PCNX1: variants seen among roughly 807,000 people sequenced by gnomAD.
PCNX1 encodes the protein pecanex-like protein 1.
A neutral mutation model predicts 242.2 loss-of-function variants in PCNX1; 78 were observed. That is an observed-to-expected ratio of 0.32 (90% CI 0.27 to 0.39). PCNX1 has a LOEUF of 0.39. Among genes scored for constraint, PCNX1 ranks in the 10% least tolerant of loss-of-function variants. The probability of loss-of-function intolerance (pLI) is 1.00; values close to 1 mark genes in which losing one functional copy is unlikely to be tolerated. For missense variants in PCNX1, 2,581 were observed against 2,856.5 expected (o/e 0.90, Z 2.20); for synonymous variants, 1,024 against 1,032.9 (o/e 0.99, Z 0.17).
chr14:71,010,784 TG>T (rs994253234), intron 9 of PCNX1, among the ~76,000 whole-genome samples: 2 of 152,150 alleles, frequency 1.3e-5, no homozygotes, highest in African/African-American at 4.8e-5. Flanking sequence ...ATCTGTGGGC[TG>T]TTTACTTATT....
chr14:70,936,606 C>CTTTATA (rs1235891556), intron 1 of PCNX1, among the ~76,000 whole-genome samples: 2 of 152,176 alleles, frequency 1.3e-5, no homozygotes, highest in Non-Finnish European at 2.9e-5. Context: ...TTGCATGTGT[C>CTTTATA]TTTATAGCAG....
intron 1 of PCNX1, 22 bp from the exon 2 acceptor site, chr14:70,946,893 C>T (rs1426844176): frequency 6.9e-7 from 1 of 1,441,992 alleles, no homozygotes; most frequent in Non-Finnish European, 9.7e-7. Flanking sequence ...AAATGTATTT[C>T]CTTATTTTCT....
Position 70,969,027 on chromosome 14 carries a change from C to G in PCNX1, c.521C>G (p.Thr174Arg). 2 of 1,594,888 alleles carry G rather than the reference C, an allele frequency of 1.3e-6. No individual in the cohort carries two copies. The highest frequency in any genetic ancestry group is 4.5e-5 in the East Asian group (2 of 44,680). Reference sequence around the variant, plus strand: ...GTTTCTCTTAACTTTGTAGGAGATACAGACACTGCTAAGACTTCTGATGAT... The same window carrying G: ...GTTTCTCTTAACTTTGTAGGAGATAGAGACACTGCTAAGACTTCTGATGAT... Reference protein sequence around the residue: ...LGTAATIKGDTDTAKTSDDIS... With the variant: ...LGTAATIKGDRDTAKTSDDIS... The change falls in exon 5 of 36, where the codon ACA (threonine) becomes AGA (arginine). Residue 174 changes from threonine (T) to arginine (R), a missense_variant. Thr to Arg is a moderately conservative substitution (Grantham distance 71). Around this residue, in one of 9 missense-constraint regions of PCNX1, gnomAD observed 1,204 missense variants for 1,216.7 expected, o/e 0.99. Coordinates refer to ENST00000304743, the MANE Select transcript of PCNX1 (RefSeq NM_014982.3).
intron 19 of PCNX1, among the ~76,000 whole-genome samples, chr14:71,042,570 G>A (rs1253068408): frequency 1.3e-5 from 2 of 151,558 alleles, no homozygotes; most frequent in Admixed American, 6.6e-5. Flanking sequence ...TACAGGTGAA[G>A]TTAGTTTCCT....
At chr14:70,996,722 A>G (rs1316385847) in intron 8 of PCNX1, among the ~76,000 whole-genome samples, 1 of 152,158 alleles carries the variant, frequency 6.6e-6, no homozygotes, top group East Asian at 1.9e-4. Flanking sequence ...GAAATAATTC[A>G]CTTGAAAGCA....
intron 18 of PCNX1, 120 bp from the exon 19 acceptor site, chr14:71,035,945 A>G (rs1421584276): frequency 3.2e-6 from 2 of 625,424 alleles, no homozygotes; most frequent in East Asian, 5.7e-5. Context: ...TTTTTTCTTT[A>G]ATACTGACTG....
Position 70,978,582 on chromosome 14 carries a change from T to A in PCNX1, c.2245T>A (p.Ser749Thr), listed in dbSNP as rs1199017261. Residue 749 changes from serine (S) to threonine (T), a missense_variant, in exon 6 of 36, where the codon TCT (serine) becomes ACT (threonine). By Grantham distance (58) the Ser-to-Thr change is moderately conservative. Around this residue, in one of 9 missense-constraint regions of PCNX1, gnomAD observed 1,204 missense variants for 1,216.7 expected, o/e 0.99. Coordinates refer to ENST00000304743, the MANE Select transcript of PCNX1 (RefSeq NM_014982.3). ...RASQLETVTR[S>T]RNSLPNQVAF... is the part of the protein sequence containing the mutation. Reference sequence around the variant, plus strand: ...TTCCCAGTTAGAGACAGTCACTCGATCTAGGAATAGCTTGCCAAACCAGGT... The same window carrying A: ...TTCCCAGTTAGAGACAGTCACTCGAACTAGGAATAGCTTGCCAAACCAGGT... 11 of 1,614,092 alleles carry A rather than the reference T, an allele frequency of 6.8e-6. No homozygotes were observed. The highest frequency in any genetic ancestry group is 9.3e-6 in the Non-Finnish European group (11 of 1,179,970).
At chr14:71,021,388 A>T (rs534643359) in intron 12 of PCNX1, among the ~76,000 whole-genome samples, 13 of 152,298 alleles carry the variant, frequency 8.5e-5, no homozygotes, top group African/African-American at 3.1e-4. Context: ...CTTCCTATCC[A>T]TGAGCATGGA....
chr14:70,977,775 A>C lies in PCNX1; in HGVS notation c.1438A>C (p.Arg480=). ...CCCCTCTGATGAGATGCACAACCAG[A>C]GAGGTCTCAGCACCTCTGCATCTGA... ...PTPSDEMHNQ[R]GLSTSASEEA... Residue 480 remains arginine, a synonymous_variant, in exon 6 of 36, where the codon AGA becomes CGA. Coordinates refer to ENST00000304743, the MANE Select transcript of PCNX1 (RefSeq NM_014982.3). 6.2e-7 allele frequency: 1 copy of C among 1,614,160 alleles called. No individual in the cohort carries two copies. Among genetic ancestry groups the C allele is most frequent in the South Asian group, 1.1e-5 (1 of 91,082 alleles).
intron 2 of PCNX1, among the ~76,000 whole-genome samples, chr14:70,952,143 A>G: frequency 6.6e-6 from 1 of 152,230 alleles, no homozygotes; most frequent in East Asian, 1.9e-4. Context: ...ATGAAATAAT[A>G]TATAGAGAGT....
chr14:71,047,975 C>G lies in PCNX1; in HGVS notation c.4329C>G (p.Leu1443=). 6.2e-7 allele frequency: 1 copy of G among 1,608,778 alleles called. No homozygotes were observed. Among genetic ancestry groups the G allele is most frequent in the African/African-American group, 1.3e-5 (1 of 74,870 alleles). ...TGGATCTCTTCTTTATGTCCATACT[C>G]TTCAACAAGGTAATTTATCACTGAA... The part of the protein sequence containing the change: ...MLLDLFFMSI[L]FNKLWELLYK... The change falls in exon 22 of 36, where the codon CTC becomes CTG. Residue 1443 remains leucine (L), a synonymous_variant. Coordinates refer to ENST00000304743, the MANE Select transcript of PCNX1 (RefSeq NM_014982.3).
At chr14:70,943,710 G>C (rs1012187918) in intron 1 of PCNX1, among the ~76,000 whole-genome samples, 1 of 152,170 alleles carries the variant, frequency 6.6e-6, no homozygotes. Flanking sequence ...TGTCTCCAGC[G>C]CATGTCAGAG....
intron 25 of PCNX1, among the ~76,000 whole-genome samples, chr14:71,057,177 C>A (rs1393656760): frequency 6.6e-6 from 1 of 152,094 alleles, no homozygotes; most frequent in Non-Finnish European, 1.5e-5. Context: ...CCTCATTTCT[C>A]TTCCATGGTT....
chr14:70,968,988 T>C (rs368797135), intron 4 of PCNX1, 33 bp from the exon 5 acceptor site: 24 of 1,224,036 alleles, frequency 2.0e-5, no homozygotes, highest in Non-Finnish European at 2.5e-5. Flanking sequence ...ACTGTTAATA[T>C]AAGGTCCTCA....
rs1287075635 is a variant in PCNX1 at position 71,112,961 on chromosome 14, C to CTAAG, written c.*3028_*3031dup. 2 of 152,022 alleles carry CTAAG rather than the reference C, an allele frequency of 1.3e-5. No homozygotes were observed. The highest frequency in any genetic ancestry group is 2.9e-5 in the Non-Finnish European group (2 of 67,982). The allele number at this position is 152,022 out of a possible 1,614,324, so 9.4% of individuals were successfully genotyped here. ...AGTGGCAAAAAACATTTTATAACTC[C>CTAAG]TAAGTTTTTGGTTAATCTTCCAACT... On this transcript the variant is annotated 3_prime_UTR_variant, in exon 36 of 36. Transcript: ENST00000304743.
Position 71,113,166 on chromosome 14 carries a change from C to G in PCNX1, c.*3231C>G, listed in dbSNP as rs889279215. On this transcript the variant is annotated 3_prime_UTR_variant, in exon 36 of 36. Transcript: ENST00000304743. ...GTATGTATATTTTTTAAGAGATTAC[C>G]TTTTAGGAAATTAGTGAACAAACTT... 1 of 152,108 alleles carries G rather than the reference C, an allele frequency of 6.6e-6. No individual in the cohort carries two copies. The highest frequency in any genetic ancestry group is 1.5e-5 in the Non-Finnish European group (1 of 68,012). The allele number at this position is 152,108 out of a possible 1,614,324, so 9.4% of individuals were successfully genotyped here.
At chr14:70,918,884 GTTTT>G (rs33959914) in intron 1 of PCNX1, among the ~76,000 whole-genome samples, 2 of 140,496 alleles carry the variant, frequency 1.4e-5, no homozygotes, top group Non-Finnish European at 1.5e-5. Context: ...TGGTTTTTTG[GTTTT>G]TTTTTTTTTT....
At chr14:71,002,568 A>G (rs2059535641) in intron 8 of PCNX1, among the ~76,000 whole-genome samples, 2 of 152,140 alleles carry the variant, frequency 1.3e-5, no homozygotes, top group South Asian at 4.1e-4. Flanking sequence ...GCTTTCTATC[A>G]TTATGATTTC....
At chr14:71,085,640 G>A (rs2061969304) in intron 28 of PCNX1, 1 of 160,110 alleles carries the variant, frequency 6.2e-6, no homozygotes, top group South Asian at 1.9e-4. Flanking sequence ...CCTCAGACAG[G>A]TCAAAATTCT....
Sources: gnomAD v4.1 joint callset for allele counts (sites outside exome capture counted in the v4.1 genomes callset) on GRCh38, gnomAD v4.1.1 for gene constraint, gnomAD v4.1.1 regional missense constraint, MANE v1.5 for transcripts, NCBI Gene and HGNC (gene_info 2026-07-23, HGNC 2026-07-21) for gene names.